APOLD1: variants seen among roughly 807,000 people sequenced by gnomAD.
The protein encoded by APOLD1 is apolipoprotein L domain-containing protein 1.
Under a neutral mutation model 15.3 loss-of-function variants are expected in APOLD1, and 22 were observed. The observed-to-expected ratio is 1.44, with a 90% CI of 1.03 to 2.05. The LOEUF (loss-of-function observed/expected upper bound fraction) is 2.05, where lower values mean the gene tolerates loss of function less well. Among genes scored for constraint, APOLD1 ranks in the 30% most tolerant of loss-of-function variants. The pLI, the probability that APOLD1 is intolerant of heterozygous loss-of-function variation, is 0.00. For synonymous variants in APOLD1, 190 were observed against 167.4 expected (o/e 1.13, Z -1.04); for missense variants, 394 against 353.5 (o/e 1.11, Z -0.92).
chr12:12,768,742 C>T (rs1184860482), intron 1 of APOLD1, among the ~76,000 whole-genome samples: 2 of 151,522 alleles, frequency 1.3e-5, no homozygotes, highest in African/African-American at 2.4e-5. Context: ...AGGACTCAAA[C>T]TCCTCGTTTT....
Position 12,787,770 on chromosome 12 carries a change from G to T in APOLD1, c.*118G>T, listed in dbSNP as rs527800057. ...GTTAGGAGCCGAAGGCAAAGGATGA[G>T]AAAAACTGTTTTTGAAGTGGGCAGG... On this transcript the variant is annotated 3_prime_UTR_variant, in exon 2 of 2. Coordinates refer to ENST00000356591, the MANE Select transcript of APOLD1 (RefSeq NM_030817.3). This position sits in a 1 kb window ranked among gnomAD's most constrained non-coding sequence, Gnocchi z 4.9. 160 of 1,452,066 alleles carry T rather than the reference G, an allele frequency of 1.1e-4. No homozygotes were observed. The highest frequency in any genetic ancestry group is 7.4e-5 in the Non-Finnish European group (81 of 1,094,130). 89.9% of individuals were successfully genotyped at this position (1,452,066 alleles called of 1,614,324 possible).
chr12:12,752,446 T>C (rs538224958), intron 1 of APOLD1, among the ~76,000 whole-genome samples: 22 of 152,140 alleles, frequency 1.4e-4, no homozygotes, highest in Admixed American at 4.6e-4. Context: ...TCTCCTGTAG[T>C]TTTAATCAGA....
chr12:12,733,234 G>A (rs144051726), intron 1 of APOLD1, among the ~76,000 whole-genome samples: 15 of 151,836 alleles, frequency 9.9e-5, no homozygotes, highest in East Asian at 7.7e-4. Flanking sequence ...GTTGAGGTAG[G>A]AGGATCACCT....
chr12:12,781,423 C>G (rs145052758), upstream of APOLD1, among the ~76,000 whole-genome samples: 1 of 151,848 alleles, frequency 6.6e-6, no homozygotes, highest in South Asian at 2.1e-4. Context: ...GCAACAAGAG[C>G]GAAACTCCGT....
chr12:12,787,391 C>T lies in APOLD1; in HGVS notation c.486C>T (p.Ala162=). 6.2e-7 allele frequency: 1 copy of T among 1,614,182 alleles called. No homozygotes were observed. The highest frequency in any genetic ancestry group is 8.5e-7 in the Non-Finnish European group (1 of 1,180,036). ...LLQCGRNASI[A]LYNSVYFIVF... ...AGTGCGGGAGGAACGCCTCCATCGC[C>T]CTGTACAATTCTGTCTACTTCATCG... The change falls in exon 2 of 2, where the codon GCC becomes GCT. Residue 162 remains alanine, a synonymous_variant. Transcript: ENST00000356591. The surrounding 1 kb of genome is among the most constrained non-coding windows in gnomAD (Gnocchi z 4.9).
At chr12:12,751,772 T>G (rs901376692) in intron 1 of APOLD1, among the ~76,000 whole-genome samples, 1 of 152,232 alleles carries the variant, frequency 6.6e-6, no homozygotes, top group Non-Finnish European at 1.5e-5. Flanking sequence ...AAAGGAACTT[T>G]GCAGATGTGA....
At chr12:12,783,724 C>T (rs1176017031), upstream of APOLD1, among the ~76,000 whole-genome samples, 1 of 150,980 alleles carries the variant, frequency 6.6e-6, no homozygotes, top group Non-Finnish European at 1.5e-5. Context: ...GCCTTGACCT[C>T]CTGGGTGCAA....
intron 1 of APOLD1, among the ~76,000 whole-genome samples, chr12:12,736,290 G>A (rs535115764): frequency 1.3e-5 from 2 of 152,280 alleles, no homozygotes; most frequent in East Asian, 3.9e-4. Flanking sequence ...GGAGGAGGTT[G>A]CGGTGAGCCA....
Position 12,787,019 on chromosome 12 carries a change from G to A in APOLD1, c.114G>A (p.Leu38=). ...GGCTGCACGGCCAGGTGCTGCGCCT[G>A]CGCGAGGTGGCCCGGCGCCTGGAGC... is the stretch of plus-strand genomic sequence containing the variant. ...RGRLHGQVLR[L]REVARRLERL... is the part of the protein sequence containing the mutation. The change falls in exon 2 of 2, where the codon CTG becomes CTA. Residue 38 remains leucine, a synonymous_variant. Coordinates refer to ENST00000356591, the MANE Select transcript of APOLD1 (RefSeq NM_030817.3). This position sits in a 1 kb window ranked among gnomAD's most constrained non-coding sequence, Gnocchi z 4.9. 1 of 1,385,458 alleles carries A rather than the reference G, an allele frequency of 7.2e-7. No individual in the cohort carries two copies. Among genetic ancestry groups the A allele is most frequent in the Non-Finnish European group, 9.2e-7 (1 of 1,081,210 alleles). The allele number at this position is 1,385,458 out of a possible 1,614,324, so 85.8% of individuals were successfully genotyped here.
At chr12:12,759,125 G>A (rs1946879549) in intron 1 of APOLD1, among the ~76,000 whole-genome samples, 1 of 152,090 alleles carries the variant, frequency 6.6e-6, no homozygotes, top group Admixed American at 6.6e-5. Context: ...CTACTCAAAT[G>A]GCATGCAATT....
intron 1 of APOLD1, among the ~76,000 whole-genome samples, chr12:12,738,569 T>C (rs1296935387): frequency 6.6e-6 from 1 of 152,226 alleles, no homozygotes; most frequent in Non-Finnish European, 1.5e-5. Flanking sequence ...TTTCAAATGA[T>C]GCTTTATAGT....
At position 12,755,566 on chromosome 12, in the gene APOLD1, C is replaced by T. The variant is rs144208427; in HGVS notation, c.96+29470C>T. On this transcript the variant is annotated intron_variant, in intron 1 of 1. Transcript: ENST00000326765. ...ACTCCAAACTGCAACATCAGCTGGGCGTGGTGGCTCACCCTTGTAATCCCA... is the reference window on the plus strand; with the variant it reads ...ACTCCAAACTGCAACATCAGCTGGGTGTGGTGGCTCACCCTTGTAATCCCA... 6.5e-3 allele frequency among the ~76,000 whole-genome samples: 994 copies of T among 152,296 alleles called. 12 individuals are homozygous for T. The highest frequency in any genetic ancestry group is 0.023 in the African/African-American group (965 of 41,566).
intron 1 of APOLD1, among the ~76,000 whole-genome samples, chr12:12,729,328 C>T (rs547155683): frequency 1.4e-5 from 2 of 147,852 alleles, no homozygotes; most frequent in South Asian, 4.3e-4. Flanking sequence ...AAACCATAGA[C>T]ATGCAAGGAG....
intron 1 of APOLD1, among the ~76,000 whole-genome samples, chr12:12,774,966 T>C (rs775598149): frequency 3.3e-5 from 5 of 152,208 alleles, no homozygotes; most frequent in African/African-American, 4.8e-5. Context: ...CCCAAAGGAA[T>C]TGAAAACTTA....
At chr12:12,773,523 C>A (rs749183565) in intron 1 of APOLD1, among the ~76,000 whole-genome samples, 1 of 152,148 alleles carries the variant, frequency 6.6e-6, no homozygotes, top group African/African-American at 2.4e-5. Context: ...GATTGCATCA[C>A]TGTACTCCAG....
chr12:12,770,788 A>AC (rs1351697991), intron 1 of APOLD1, among the ~76,000 whole-genome samples: 1 of 151,512 alleles, frequency 6.6e-6, no homozygotes, highest in Non-Finnish European at 1.5e-5. Context: ...GTTAAAAAAA[A>AC]AAAAAACTCT....
chr12:12,770,147 C>T (rs1365072912), intron 1 of APOLD1, among the ~76,000 whole-genome samples: 1 of 152,134 alleles, frequency 6.6e-6, no homozygotes, highest in Non-Finnish European at 1.5e-5. Context: ...CGGTGGCTCA[C>T]GTCTGTAATC....
intron 1 of APOLD1, among the ~76,000 whole-genome samples, chr12:12,770,852 C>G (rs898506497): frequency 6.7e-6 from 1 of 149,212 alleles, no homozygotes; most frequent in African/African-American, 2.5e-5. Flanking sequence ...AAGAAAAAAT[C>G]CATATAGAAA....
At chr12:12,729,803 C>G (rs565647952) in intron 1 of APOLD1, among the ~76,000 whole-genome samples, 197 of 151,582 alleles carry the variant, frequency 1.3e-3, no homozygotes, top group African/African-American at 4.5e-3. Context: ...ATTTAAAAAG[C>G]AATGGTTTAA....
Sources: allele counts gnomAD v4.1 joint callset (sites outside exome capture counted in the v4.1 genomes callset), GRCh38; gene constraint gnomAD v4.1.1; non-coding constraint Gnocchi (gnomAD v3.1); transcripts MANE v1.5; gene names NCBI Gene and HGNC (gene_info 2026-07-23, HGNC 2026-07-21).